The following B3GALNT1 variants were observed in gnomAD, a reference collection of about 807,000 sequenced individuals.
The protein encoded by B3GALNT1 is beta-1,3-N-acetylgalactosaminyltransferase 1 (Globoside blood group).
A neutral mutation model predicts 27.3 loss-of-function variants in B3GALNT1; 17 were observed. The ratio of observed to expected loss-of-function variants is 0.62; its 90% CI spans 0.43 to 0.94. The LOEUF (loss-of-function observed/expected upper bound fraction) is 0.94, where lower values mean the gene tolerates loss of function less well. Among genes scored for constraint, B3GALNT1 ranks in the 40% least tolerant of loss-of-function variants. The pLI is 0.00. For missense variants in B3GALNT1, 347 were observed against 390.0 expected, an observed-to-expected ratio of 0.89 and a Z score of 0.93; for synonymous variants, 141 against 144.0, an observed-to-expected ratio of 0.98 and a Z score of 0.15.
rs761219421 is a variant in B3GALNT1 at position 161,086,559 on chromosome 3, T to C, written c.196A>G (p.Thr66Ala). Residue 66 changes from threonine (T) to alanine (A), a missense_variant, in exon 5 of 5, where the codon ACA (threonine) becomes GCA (alanine). By Grantham distance (58) the Thr-to-Ala change is moderately conservative. Transcript: ENST00000320474. ...GAGCAGTTTGAATGCTCTCGAAGTGTGAAGTGAAAGTCTTGTCTGTAAATC... is the reference window on the plus strand; with the variant it reads ...GAGCAGTTTGAATGCTCTCGAAGTGCGAAGTGAAAGTCTTGTCTGTAAATC... ...EPIYRQDFHF[T>A]LREHSNCSHQ... The C allele has an allele frequency of 1.2e-6, 2 of 1,614,186 alleles. No individual in the cohort carries two copies. Among genetic ancestry groups the C allele is most frequent in the South Asian group, 2.2e-5 (2 of 91,082 alleles).
chr3:161,092,212 T>G (rs1347275427), intron 4 of B3GALNT1, among the ~76,000 whole-genome samples: 1 of 152,194 alleles, frequency 6.6e-6, no homozygotes, highest in Non-Finnish European at 1.5e-5. Context: ...TCCATAAATA[T>G]ATGTCCATAA....
rs964056472 is a variant in B3GALNT1, at chr3:161,098,930, G to C, written c.-35+2209C>G. ...AATAGAAGATCAAGGTAACTCGCAG[G>C]TAACACCTAAGAATCAAGCTTCTCT... is the stretch of plus-strand genomic sequence containing the variant. On this transcript the variant is annotated intron_variant, in intron 4 of 4. Transcript: ENST00000320474. Among the ~76,000 whole-genome samples, 7 of 152,290 alleles carry C rather than the reference G, an allele frequency of 4.6e-5. No homozygotes were observed. The East Asian group carries it at 5.8e-4, about 13-fold the overall frequency.
At chr3:161,097,963 A>G (rs1170577248) in intron 4 of B3GALNT1, among the ~76,000 whole-genome samples, 3 of 152,196 alleles carry the variant, frequency 2.0e-5, no homozygotes, top group Non-Finnish European at 2.9e-5. Context: ...GCTTAATTTG[A>G]TAACACTTAA....
chr3:161,092,426 C>T (rs1482668530), intron 4 of B3GALNT1, among the ~76,000 whole-genome samples: 1 of 151,940 alleles, frequency 6.6e-6, no homozygotes, highest in Admixed American at 6.6e-5. Flanking sequence ...GAAGCAACTA[C>T]GTATAAATAA....
In B3GALNT1 at chr3:161,085,531, C is replaced by G; in HGVS notation, c.*228G>C. ...TGTTTGGTCCTATTAATTTCTTTAG[C>G]AAAAACCTCCAATTCCTTTATATTT... On this transcript the variant is annotated 3_prime_UTR_variant, in exon 5 of 5. Coordinates refer to ENST00000320474, the MANE Select transcript of B3GALNT1 (RefSeq NM_003781.4). 1.3e-5 allele frequency: 7 copies of G among 540,308 alleles called. No individual in the cohort carries two copies. In the South Asian group the frequency reaches 1.7e-4, roughly 13 times the overall value. The allele number at this position is 540,308 out of a possible 1,614,324, so 33.5% of individuals were successfully genotyped here. A position where few individuals can be genotyped will look rare whatever the true frequency, so the allele number is the denominator to read the frequency against.
intron 4 of B3GALNT1, among the ~76,000 whole-genome samples, chr3:161,096,587 C>A (rs1447916634): frequency 1.3e-5 from 2 of 152,204 alleles, no homozygotes; most frequent in African/African-American, 4.8e-5. Context: ...CAATTCACAT[C>A]TTTGAGGGAA....
chr3:161,100,260 A>C (rs1730507674), intron 4 of B3GALNT1, among the ~76,000 whole-genome samples: 1 of 152,214 alleles, frequency 6.6e-6, no homozygotes, highest in African/African-American at 2.4e-5. Flanking sequence ...TCAATTTTTA[A>C]GAATGAATTT....
At chr3:161,103,712 T>G (rs750614471) in intron 2 of B3GALNT1, among the ~76,000 whole-genome samples, 195 bp from the exon 3 acceptor site, 2 of 152,164 alleles carry the variant, frequency 1.3e-5, no homozygotes, top group Non-Finnish European at 2.9e-5. Context: ...GAAATTATAC[T>G]TGGACACTGT....
At chr3:161,103,546 A>G in intron 2 of B3GALNT1, 29 bp from the exon 3 acceptor site, 1 of 938,306 alleles carries the variant, frequency 1.1e-6, no homozygotes, top group Non-Finnish European at 1.5e-6. Flanking sequence ...AAAAATATAT[A>G]TGAGTCATAA....
rs1166159912 is a variant in B3GALNT1, at chr3:161,103,459, T to G, written c.-162A>C. On this transcript the variant is annotated 5_prime_UTR_variant, in exon 3 of 5. Transcript: ENST00000320474. ...ATTCCAGATGAAATTAAAGCTTAAG[T>G]TTTTTGTTGTTTTCTGTATTCCATG... is the stretch of plus-strand genomic sequence containing the variant. 1 of 1,281,914 alleles carries G rather than the reference T, an allele frequency of 7.8e-7. No individual in the cohort carries two copies. Among genetic ancestry groups the G allele is most frequent in the Non-Finnish European group, 1.0e-6 (1 of 982,274 alleles). 79.4% of individuals were successfully genotyped at this position (1,281,914 alleles called of 1,614,324 possible). A position where few individuals can be genotyped will look rare whatever the true frequency, so the allele number is the denominator to read the frequency against.
chr3:161,086,430 CCCA>C lies in B3GALNT1; in HGVS notation c.322_324del (p.Trp108del). On this transcript the variant is annotated inframe_deletion, in exon 5 of 5. Coordinates refer to ENST00000320474, the MANE Select transcript of B3GALNT1 (RefSeq NM_003781.4). The stretch of plus-strand genomic sequence containing the variant: ...AAGAAAAATGTAAGAACCTCATATC[CCCA>C]CCAAGACTTTTTTTCACCCCAAGTA... 6.2e-7 allele frequency: 1 copy of C among 1,613,844 alleles called. No individual in the cohort carries two copies. Among genetic ancestry groups the C allele is most frequent in the Non-Finnish European group, 8.5e-7 (1 of 1,180,020 alleles).
chr3:161,102,806 T>C (rs1732079887), intron 3 of B3GALNT1, among the ~76,000 whole-genome samples: 3 of 152,250 alleles, frequency 2.0e-5, no homozygotes, highest in East Asian at 1.9e-4. Context: ...CATGATATAG[T>C]TGTGAAAGGG....
At chr3:161,104,151 C>A in intron 2 of B3GALNT1, 168 bp downstream of exon 2, 1 of 391,720 alleles carries the variant, frequency 2.6e-6, no homozygotes. Flanking sequence ...TAGTAATAAA[C>A]GATTCTGTTC....
intron 4 of B3GALNT1, among the ~76,000 whole-genome samples, chr3:161,099,487 G>C (rs773509435): frequency 1.3e-5 from 2 of 152,170 alleles, no homozygotes; most frequent in Admixed American, 6.5e-5. Context: ...GTTTAGCTGA[G>C]TATGAGTCCA....
At chr3:161,103,119 T>G (rs545343186) in intron 3 of B3GALNT1, 1 of 155,964 alleles carries the variant, frequency 6.4e-6, no homozygotes, top group South Asian at 1.9e-4. Context: ...ACACCTGAAG[T>G]CCTCGCTACT....
In B3GALNT1 at chr3:161,104,343, G is replaced by A; in HGVS notation, c.-245C>T. ...CCTCTGAAAACAGAAAAAAAGACAT[G>A]GTTTGGCAATTTCTTCCTTGATAGC... is the stretch of plus-strand genomic sequence containing the variant. On this transcript the variant is annotated 5_prime_UTR_variant, in exon 2 of 5. Transcript: ENST00000320474. 7.8e-7 allele frequency: 1 copy of A among 1,289,672 alleles called. No individual in the cohort carries two copies. The highest frequency in any genetic ancestry group is 1.0e-6 in the Non-Finnish European group (1 of 988,810). The allele number at this position is 1,289,672 out of a possible 1,614,324, so 79.9% of individuals were successfully genotyped here. A position where few individuals can be genotyped will look rare whatever the true frequency, so the allele number is the denominator to read the frequency against.
intron 2 of B3GALNT1, chr3:161,104,052 T>C (rs1732918483): frequency 8.1e-6 from 2 of 247,320 alleles, no homozygotes; most frequent in African/African-American, 2.3e-5. Flanking sequence ...CAACAGTGTT[T>C]ATTTTCAGGT....
At chr3:161,099,589 A>G (rs1472175072) in intron 4 of B3GALNT1, among the ~76,000 whole-genome samples, 2 of 152,186 alleles carry the variant, frequency 1.3e-5, no homozygotes, top group South Asian at 4.1e-4. Flanking sequence ...ATTGAATTTG[A>G]GGAGTTATTT....
At position 161,104,099 on chromosome 3, in the gene B3GALNT1, T is replaced by C. The variant is rs1036691721; in HGVS notation, c.-221+220A>G. The C allele has an allele frequency of 4.9e-5, 15 of 304,098 alleles. No individual in the cohort carries two copies. In the East Asian group the frequency reaches 1.5e-3, roughly 31 times the overall value. The allele number at this position is 304,098 out of a possible 1,614,324, so 18.8% of individuals were successfully genotyped here. On this transcript the variant is annotated intron_variant, in intron 2 of 4. Transcript: ENST00000320474. ...CAATGGCCATTCATTTGAACGAACA[T>C]TTTAGTCTATGAGGGGAAAAAAGTC...
Sources: gnomAD v4.1 joint callset for allele counts (sites outside exome capture counted in the v4.1 genomes callset) on GRCh38, gnomAD v4.1.1 for gene constraint, MANE v1.5 for transcripts, NCBI Gene and HGNC (gene_info 2026-07-23, HGNC 2026-07-21) for gene names.